The following FBXO10 variants were observed in gnomAD, a reference collection of about 807,000 sequenced individuals.
FBXO10 encodes F-box protein 10, also known as F-box only protein 10.
FBXO10 carries 39 observed loss-of-function variants against 80.7 expected under a neutral mutation model. That is an observed-to-expected ratio of 0.48 (90% CI 0.37 to 0.63). FBXO10 has a LOEUF of 0.63. Ranked by LOEUF, FBXO10 falls within the 30% of genes least tolerant of loss-of-function variation. The pLI is 0.00. For synonymous variants in FBXO10, 449 were observed against 489.6 expected, an observed-to-expected ratio of 0.92 and a Z score of 1.09; for missense variants, 1,025 against 1,269.0, an observed-to-expected ratio of 0.81 and a Z score of 2.92.
chr9:37,575,428 A>T (rs1301960014), intron 1 of FBXO10: 3 of 152,256 alleles, frequency 2.0e-5, no homozygotes, highest in East Asian at 3.8e-4. Flanking sequence ...AATAATGCTT[A>T]TATTAACAGC....
rs748844088 is a variant in FBXO10, at chr9:37,537,838, T to C, written c.691A>G (p.Thr231Ala). The C allele has an allele frequency of 3.1e-6, 5 of 1,613,804 alleles. No individual in the cohort carries two copies. The highest frequency in any genetic ancestry group is 1.3e-5 in the African/African-American group (1 of 74,886). Residue 231 changes from threonine (T) to alanine (A), a missense_variant, in exon 3 of 11, where the codon ACC becomes GCC. Transcript: ENST00000432825. ...CQVKFCTFKN[T>A]HIFLHNVPLC... ...GGCACGTTGTGCAGGAAGATATGGG[T>C]GTTTTTGAAGGTACAGAACTTCACT...
intron 1 of FBXO10, among the ~76,000 whole-genome samples, chr9:37,550,950 A>G (rs1238121918): frequency 6.6e-6 from 1 of 152,232 alleles, no homozygotes; most frequent in African/African-American, 2.4e-5. Flanking sequence ...TAAACCAGAT[A>G]TGGATGACAG....
chr9:37,532,295 T>TAA (rs1821648861), intron 3 of FBXO10, among the ~76,000 whole-genome samples: 1 of 91,730 alleles, frequency 1.1e-5, no homozygotes, highest in Admixed American at 9.7e-5. Flanking sequence ...ACATTGGTTC[T>TAA]TTTTTTTTTT....
chr9:37,570,661 G>C (rs983585672), intron 1 of FBXO10, among the ~76,000 whole-genome samples: 2 of 152,122 alleles, frequency 1.3e-5, no homozygotes, highest in Non-Finnish European at 2.9e-5. Context: ...GAATGAAAGA[G>C]GGGATATCTC....
At chr9:37,524,257 C>T (rs902468022) in intron 6 of FBXO10, among the ~76,000 whole-genome samples, 7 of 152,230 alleles carry the variant, frequency 4.6e-5, no homozygotes. Flanking sequence ...CAAATGCCTA[C>T]CCAGTCCCTC....
At chr9:37,569,707 C>T (rs114723219) in intron 1 of FBXO10, among the ~76,000 whole-genome samples, 3,653 of 152,268 alleles carry the variant, frequency 0.024, 134 homozygotes, top group African/African-American at 0.083. Context: ...TGGCTCACAC[C>T]TGTAGTCCTT....
chr9:37,565,057 C>T (rs563397647), intron 1 of FBXO10, among the ~76,000 whole-genome samples: 39 of 152,210 alleles, frequency 2.6e-4, no homozygotes, highest in African/African-American at 7.0e-4. Context: ...TCATGGGGCA[C>T]GGTTTCCCCC....
Position 37,541,714 on chromosome 9 carries a change from G to A in FBXO10, c.55C>T (p.His19Tyr). ...CTGCAGCGGCCCAGGTCGGGAAGGT[G>A]CAAGTAGGCTAAGATCATGCGCCAC... ...ELWRMILAYL[H>Y]LPDLGRCSLV... Residue 19 changes from histidine to tyrosine, a missense_variant, in exon 2 of 11, where the codon CAC (histidine) becomes TAC (tyrosine). By Grantham distance (83) the His-to-Tyr change is moderately conservative. Coordinates refer to ENST00000432825, the MANE Select transcript of FBXO10 (RefSeq NM_012166.3). 8 of 1,613,612 alleles carry A rather than the reference G, an allele frequency of 5.0e-6. No homozygotes were observed. The highest frequency in any genetic ancestry group is 6.8e-6 in the Non-Finnish European group (8 of 1,179,828).
intron 1 of FBXO10, among the ~76,000 whole-genome samples, chr9:37,543,887 T>C (rs1043556036): frequency 2.5e-4 from 38 of 152,178 alleles, no homozygotes; most frequent in African/African-American, 8.9e-4. Context: ...CCCAGCACTT[T>C]GGGAGGCCAA....
At position 37,522,918 on chromosome 9, in the gene FBXO10, C is replaced by G; in HGVS notation, c.1837G>C (p.Val613Leu). The G allele has an allele frequency of 6.3e-7, 1 of 1,584,592 alleles. No individual in the cohort carries two copies. The highest frequency in any genetic ancestry group is 8.6e-7 in the Non-Finnish European group (1 of 1,165,562). The change falls in exon 7 of 11, where the codon GTT becomes CTT. Residue 613 changes from valine to leucine, a missense_variant. Around this residue, in one of 3 missense-constraint regions of FBXO10, gnomAD observed 478 missense variants for 667.8 expected, o/e 0.72. Coordinates refer to ENST00000432825, the MANE Select transcript of FBXO10 (RefSeq NM_012166.3). ...AAGCAGATGAGGTTACTCCTGAGAA[C>G]GGGGATCCCTCCACGGCGGATGTCC... ...GVDIRRGGIP[V>L]LRSNLICFGY...
At position 37,522,682 on chromosome 9, in the gene FBXO10, C is replaced by G. The variant is rs761323274; in HGVS notation, c.1930+143G>C. Reference sequence around the variant, plus strand: ...AAGAGGCTCTTTGTTCTGGGAGGGCCTGGGTGACTGTGGCCTGAGAGTGCC... The same window carrying G: ...AAGAGGCTCTTTGTTCTGGGAGGGCGTGGGTGACTGTGGCCTGAGAGTGCC... On this transcript the variant is annotated intron_variant, in intron 7 of 10. Coordinates refer to ENST00000432825, the MANE Select transcript of FBXO10 (RefSeq NM_012166.3). 2.6e-6 allele frequency: 3 copies of G among 1,166,424 alleles called. No homozygotes were observed. In the African/African-American group the frequency reaches 4.7e-5, roughly 18 times the overall value. The allele number at this position is 1,166,424 out of a possible 1,614,324, so 72.3% of individuals were successfully genotyped here.
At chr9:37,516,135 G>A (rs1271966766) in intron 9 of FBXO10, 50 bp from the exon 10 acceptor site, 1 of 1,570,280 alleles carries the variant, frequency 6.4e-7, no homozygotes, top group Non-Finnish European at 8.6e-7. Flanking sequence ...CACAGACTGA[G>A]TGGGAGAGCT....
At chr9:37,543,921 G>A (rs1821987471) in intron 1 of FBXO10, among the ~76,000 whole-genome samples, 1 of 152,192 alleles carries the variant, frequency 6.6e-6, no homozygotes. Context: ...CTTGAGGTCA[G>A]GAGTTCCAGA....
chr9:37,516,214 TGA>T, intron 9 of FBXO10, 129 bp from the exon 10 acceptor site: 1 of 1,033,322 alleles, frequency 9.7e-7, no homozygotes, highest in Non-Finnish European at 1.4e-6. Context: ...GAAGAGCCTA[TGA>T]GCTCAAAGAA....
Position 37,529,132 on chromosome 9 carries a change from G to A in FBXO10, c.1698C>T (p.Pro566=), listed in dbSNP as rs746081102. 2.4e-5 allele frequency: 38 copies of A among 1,613,860 alleles called. No homozygotes were observed. The highest frequency in any genetic ancestry group is 3.1e-5 in the Non-Finnish European group (36 of 1,179,888). Reference sequence around the variant, plus strand: ...GAAACAGCAGCACACACCTCACAACGGGGTTTCCGTGGTACAGGATGTAAA... The same window carrying A: ...GAAACAGCAGCACACACCTCACAACAGGGTTTCCGTGGTACAGGATGTAAA... ...AGIYILYHGN[P]VVSGNHIFKG... is the part of the protein sequence containing the mutation. Residue 566 remains proline (P), a synonymous_variant, in exon 5 of 11, where the codon CCC becomes CCT. Transcript: ENST00000432825.
intron 1 of FBXO10, among the ~76,000 whole-genome samples, chr9:37,546,923 C>T (rs1588847266): frequency 6.6e-6 from 1 of 152,156 alleles, no homozygotes; most frequent in African/African-American, 2.4e-5. Context: ...TCAAGTGATC[C>T]GCCTGCCTTG....
chr9:37,565,078 C>T (rs984500710), intron 1 of FBXO10, among the ~76,000 whole-genome samples: 1 of 152,080 alleles, frequency 6.6e-6, no homozygotes, highest in Non-Finnish European at 1.5e-5. Flanking sequence ...ATGCTGTTCT[C>T]GTGATAGTGA....
At chr9:37,535,557 C>T (rs1021256940) in intron 3 of FBXO10, among the ~76,000 whole-genome samples, 16 of 151,946 alleles carry the variant, frequency 1.1e-4, no homozygotes, top group African/African-American at 3.6e-4. Context: ...GGGGTTTCAC[C>T]GTGTTGCCCA....
At chr9:37,549,454 C>T (rs1049951025) in intron 1 of FBXO10, among the ~76,000 whole-genome samples, 3 of 152,180 alleles carry the variant, frequency 2.0e-5, no homozygotes, top group African/African-American at 7.2e-5. Flanking sequence ...CTCTGTGTCC[C>T]CCATTCCAAC....
Sources: gnomAD v4.1 joint callset for allele counts (sites outside exome capture counted in the v4.1 genomes callset) on GRCh38, gnomAD v4.1.1 for gene constraint, gnomAD v4.1.1 regional missense constraint, MANE v1.5 for transcripts, NCBI Gene and HGNC (gene_info 2026-07-23, HGNC 2026-07-21) for gene names.